Variants in RHOBTB1 observed in about 807,000 individuals in gnomAD.
The protein encoded by RHOBTB1 is Rho related BTB domain containing 1, also known as rho-related BTB domain-containing protein 1.
A neutral mutation model predicts 71.6 loss-of-function variants in RHOBTB1; 40 were observed. That is an observed-to-expected ratio of 0.56 (90% CI 0.43 to 0.73). The LOEUF is 0.73. Ranked by LOEUF, RHOBTB1 falls within the 30% of genes least tolerant of loss-of-function variation. The pLI is 0.00. For synonymous variants in RHOBTB1, 319 were observed against 334.9 expected, an observed-to-expected ratio of 0.95 and a Z score of 0.52; for missense variants, 797 against 894.0, an observed-to-expected ratio of 0.89 and a Z score of 1.38.
chr10:60,951,827 C>T (rs547911215), intron 2 of RHOBTB1, among the ~76,000 whole-genome samples: 16 of 152,202 alleles, frequency 1.1e-4, no homozygotes, highest in African/African-American at 3.6e-4. Flanking sequence ...GAGGCCAAGG[C>T]GGGCAGATTG....
At chr10:60,865,574 A>G (rs1160390632), downstream of RHOBTB1, among the ~76,000 whole-genome samples, 2 of 152,226 alleles carry the variant, frequency 1.3e-5, no homozygotes, top group East Asian at 1.9e-4. Context: ...GGAATAACTC[A>G]TTGTAATAGG....
intron 2 of RHOBTB1, among the ~76,000 whole-genome samples, chr10:60,965,070 T>A (rs2085911288): frequency 6.6e-6 from 1 of 152,124 alleles, no homozygotes; most frequent in Admixed American, 6.6e-5. Context: ...GGCATCTATT[T>A]GTTCAACCAT....
At chr10:60,937,845 G>T (rs1320084009) in intron 2 of RHOBTB1, among the ~76,000 whole-genome samples, 1 of 152,090 alleles carries the variant, frequency 6.6e-6, no homozygotes, top group Non-Finnish European at 1.5e-5. Flanking sequence ...ACTTTCTTTC[G>T]AGATACTCTA....
intron 4 of RHOBTB1, among the ~76,000 whole-genome samples, chr10:60,903,672 C>G (rs2082520144): frequency 2.2e-5 from 1 of 44,538 alleles, no homozygotes; most frequent in African/African-American, 1.7e-4. Context: ...GCCCCTGGGT[C>G]AGACTATGGG....
upstream of RHOBTB1, among the ~76,000 whole-genome samples, chr10:60,944,548 G>C (rs1395822143): frequency 2.6e-5 from 4 of 152,086 alleles, no homozygotes; most frequent in Non-Finnish European, 5.9e-5. Context: ...GGAGAGTCTG[G>C]GCCATCTGTG....
intron 2 of RHOBTB1, among the ~76,000 whole-genome samples, chr10:60,957,179 A>T (rs1175654966): frequency 6.6e-6 from 1 of 152,238 alleles, no homozygotes; most frequent in Admixed American, 6.5e-5. Context: ...TACAAACAGG[A>T]GTACGTTCTA....
intron 4 of RHOBTB1, among the ~76,000 whole-genome samples, chr10:60,898,348 T>C (rs1027134269): frequency 9.9e-5 from 15 of 152,148 alleles, no homozygotes; most frequent in African/African-American, 3.6e-4. Context: ...GTCGACAACA[T>C]ATCTTTCATG....
At chr10:60,936,901 G>A (rs1020237460) in intron 2 of RHOBTB1, among the ~76,000 whole-genome samples, 2 of 152,154 alleles carry the variant, frequency 1.3e-5, no homozygotes, top group African/African-American at 4.8e-5. Context: ...CCTAGCCCCA[G>A]TTCAGCCACT....
At chr10:60,919,321 T>C (rs1420388196) in intron 2 of RHOBTB1, among the ~76,000 whole-genome samples, 1 of 131,750 alleles carries the variant, frequency 7.6e-6, no homozygotes, top group Admixed American at 8.3e-5. Context: ...GACAATTTTA[T>C]ATTATTGACA....
chr10:60,889,247 G>A lies in RHOBTB1; in HGVS notation c.483-62C>T. The A allele has an allele frequency of 2.7e-6, 4 of 1,496,112 alleles. No homozygotes were observed. In the South Asian group the frequency reaches 4.0e-5, roughly 15 times the overall value. The allele number at this position is 1,496,112 out of a possible 1,614,324, so 92.7% of individuals were successfully genotyped here. A position where few individuals can be genotyped will look rare whatever the true frequency, so the allele number is the denominator to read the frequency against. On this transcript the variant is annotated intron_variant, in intron 5 of 10. Transcript: ENST00000337910. ...GTTTTAGGAAAAAAACAGTAACAAG[G>A]GCCTATCTAAGCACCTAATGGAACT...
downstream of RHOBTB1, among the ~76,000 whole-genome samples, chr10:60,865,868 G>T (rs1344403351): frequency 6.6e-6 from 1 of 152,120 alleles, no homozygotes; most frequent in Non-Finnish European, 1.5e-5. Context: ...GTCTCGCTCT[G>T]TCACCCAGGC....
chr10:60,938,801 T>A (rs1259956155), intron 2 of RHOBTB1, among the ~76,000 whole-genome samples: 1 of 152,132 alleles, frequency 6.6e-6, no homozygotes, highest in Non-Finnish European at 1.5e-5. Flanking sequence ...CAAGCTCTGT[T>A]TCCTAGTAGT....
intron 7 of RHOBTB1, among the ~76,000 whole-genome samples, chr10:60,885,839 A>G (rs1037691047): frequency 2.6e-5 from 4 of 152,196 alleles, no homozygotes; most frequent in Admixed American, 2.0e-4. Flanking sequence ...CTGAGGATGA[A>G]AAGATATATG....
At position 60,870,721 on chromosome 10, in the gene RHOBTB1, A is replaced by G. The variant is rs1332929663; in HGVS notation, c.*761T>C. On this transcript the variant is annotated 3_prime_UTR_variant, in exon 11 of 11. Coordinates refer to ENST00000337910, the MANE Select transcript of RHOBTB1 (RefSeq NM_014836.5). Reference sequence around the variant, plus strand: ...GTCCACCAGTGAGTTTGCCCTGGATAATGCTGGGATTTAATAAGCCCTTCT... The same window carrying G: ...GTCCACCAGTGAGTTTGCCCTGGATGATGCTGGGATTTAATAAGCCCTTCT... 1 of 152,588 alleles carries G rather than the reference A, an allele frequency of 6.6e-6. No individual in the cohort carries two copies. Among genetic ancestry groups the G allele is most frequent in the Non-Finnish European group, 1.5e-5 (1 of 68,036 alleles). The allele number at this position is 152,588 out of a possible 1,614,324, so 9.5% of individuals were successfully genotyped here. A position where few individuals can be genotyped will look rare whatever the true frequency, so the allele number is the denominator to read the frequency against.
At chr10:60,941,255 A>G (rs2134192894) in intron 2 of RHOBTB1, among the ~76,000 whole-genome samples, 1 of 152,334 alleles carries the variant, frequency 6.6e-6, no homozygotes, top group Non-Finnish European at 1.5e-5. Flanking sequence ...TAATAGAAGT[A>G]AGAATTGAAC....
chr10:60,923,895 G>A (rs1276960740), intron 2 of RHOBTB1, among the ~76,000 whole-genome samples: 1 of 152,166 alleles, frequency 6.6e-6, no homozygotes, highest in Non-Finnish European at 1.5e-5. Flanking sequence ...ACGAGTCCAT[G>A]AAACCTCATT....
intron 1 of RHOBTB1, among the ~76,000 whole-genome samples, chr10:60,992,312 T>C (rs995846182): frequency 2.6e-5 from 4 of 152,208 alleles, no homozygotes; most frequent in Non-Finnish European, 4.4e-5. Context: ...TTTTATGATA[T>C]AAGATGTGTG....
intron 4 of RHOBTB1, among the ~76,000 whole-genome samples, chr10:60,902,034 C>T (rs1426205075): frequency 6.6e-6 from 1 of 152,226 alleles, no homozygotes. Flanking sequence ...TCATTTGGCA[C>T]TCCGCTTTCC....
chr10:60,927,039 A>T (rs1219927409), intron 2 of RHOBTB1, among the ~76,000 whole-genome samples: 2 of 152,244 alleles, frequency 1.3e-5, no homozygotes, highest in East Asian at 3.8e-4. Flanking sequence ...ATATGAAATC[A>T]GTATACTAAA....
Sources: allele counts gnomAD v4.1 joint callset (sites outside exome capture counted in the v4.1 genomes callset), GRCh38; gene constraint gnomAD v4.1.1; transcripts MANE v1.5; gene names NCBI Gene and HGNC (gene_info 2026-07-23, HGNC 2026-07-21).